Variants in NLRP5 observed in about 807,000 individuals in gnomAD.
NLRP5 encodes NACHT, LRR and PYD domains-containing protein 5.
NLRP5 carries 93 observed loss-of-function variants against 113.1 expected under a neutral mutation model. The ratio of observed to expected loss-of-function variants is 0.82; its 90% confidence interval spans 0.70 to 0.98. NLRP5 has a LOEUF of 0.98. Among genes scored for constraint, NLRP5 ranks in the 50% least tolerant of loss-of-function variants. The probability of loss-of-function intolerance (pLI) is 0.00; values close to 1 mark genes in which losing one functional copy is unlikely to be tolerated. For missense variants in NLRP5, 1,808 were observed against 1,514.3 expected (o/e 1.19, Z -3.22); for synonymous variants, 751 against 600.7 (o/e 1.25, Z -3.66).
At chr19:56,008,944 A>ATAGTC in intron 3 of NLRP5, 91 bp downstream of exon 3, 1 of 1,108,274 alleles carries the variant, frequency 9.0e-7, no homozygotes, top group Non-Finnish European at 1.4e-6. Flanking sequence ...ATGACTTCTG[A>ATAGTC]TAGTCTAGTG....
chr19:56,005,107 A>AAAAATATATATATATATAT (rs1173746273), intron 2 of NLRP5, among the ~76,000 whole-genome samples: 2 of 95,344 alleles, frequency 2.1e-5, no homozygotes, highest in African/African-American at 7.8e-5. Context: ...AAAAAAAAAA[A>AAAAATATATATATATATAT]ATATATATAT....
At chr19:56,050,695 G>A (rs995480149) in intron 12 of NLRP5, 107 bp downstream of exon 12, 1 of 1,081,538 alleles carries the variant, frequency 9.2e-7, no homozygotes, top group African/African-American at 1.6e-5. Flanking sequence ...CTGCTTTCAG[G>A]GTGAGCTGAC....
chr19:56,058,497 G>A, intron 14 of NLRP5, 87 bp downstream of exon 14: 1 of 1,260,620 alleles, frequency 7.9e-7, no homozygotes, highest in Non-Finnish European at 1.1e-6. Flanking sequence ...TATGGGAAAA[G>A]TTGACGTCAT....
chr19:56,026,079 T>C (rs74638627), intron 6 of NLRP5, among the ~76,000 whole-genome samples: 5,977 of 152,114 alleles, frequency 0.039, 161 homozygotes, highest in Non-Finnish European at 0.064. Flanking sequence ...TTTTGTAGAT[T>C]GTTAAGAAGC....
chr19:56,032,524 C>T (rs980948913), intron 7 of NLRP5, 87 bp from the exon 8 acceptor site: 15 of 1,260,612 alleles, frequency 1.2e-5, no homozygotes, highest in South Asian at 7.4e-5. Context: ...ACCTCGAGAG[C>T]TCGGTCCCTC....
intron 6 of NLRP5, among the ~76,000 whole-genome samples, chr19:56,023,923 G>A (rs8108335): frequency 0.089 from 13,594 of 152,092 alleles, 804 homozygotes; most frequent in African/African-American, 0.16. Flanking sequence ...AAGGTAAATA[G>A]TAGTACCAGT....
intron 1 of NLRP5, among the ~76,000 whole-genome samples, chr19:56,002,247 T>C (rs1981682103): frequency 6.6e-6 from 1 of 152,200 alleles, no homozygotes; most frequent in East Asian, 1.9e-4. Flanking sequence ...CCATATTAAA[T>C]TGGATCGTCT....
At position 56,050,601 on chromosome 19, in the gene NLRP5, T is replaced by C; in HGVS notation, c.3128+13T>C. ...TCCAGGACCTGGAGTGAGTTTCCCA[T>C]GGGCGTTGGGTCAACTCTATCATAC... is the stretch of plus-strand genomic sequence containing the variant. On this transcript the variant is annotated intron_variant, in intron 12 of 14. Coordinates refer to ENST00000390649, the MANE Select transcript of NLRP5 (RefSeq NM_153447.4). 6.2e-7 allele frequency: 1 copy of C among 1,611,818 alleles called. No homozygotes were observed. The highest frequency in any genetic ancestry group is 1.1e-5 in the South Asian group (1 of 90,880).
intron 6 of NLRP5, among the ~76,000 whole-genome samples, chr19:56,022,520 C>T (rs306446): frequency 0.72 from 109,979 of 151,994 alleles, 39,969 homozygotes; most frequent in African/African-American, 0.77. Flanking sequence ...TGAGCCACTA[C>T]GCCCAGCCAA....
intron 12 of NLRP5, among the ~76,000 whole-genome samples, chr19:56,052,514 C>G (rs1983969752): frequency 6.6e-6 from 1 of 152,160 alleles, no homozygotes; most frequent in Non-Finnish European, 1.5e-5. Context: ...AGGTGATCCA[C>G]TCACCTTGGC....
At chr19:56,030,854 C>T (rs1374146181) in intron 7 of NLRP5, among the ~76,000 whole-genome samples, 1 of 151,608 alleles carries the variant, frequency 6.6e-6, no homozygotes, top group Non-Finnish European at 1.5e-5. Context: ...AGCTGGACTA[C>T]AGTTGCCCAC....
chr19:56,034,830 GTT>G (rs1983253985), intron 9 of NLRP5, among the ~76,000 whole-genome samples: 1 of 152,228 alleles, frequency 6.6e-6, no homozygotes, highest in Non-Finnish European at 1.5e-5. Flanking sequence ...TGGTTGGTTG[GTT>G]GGTTGGTCGG....
At chr19:55,991,506 G>T in the NLRP5 span, among the ~76,000 whole-genome samples, 1 of 151,924 alleles carries the variant, frequency 6.6e-6, no homozygotes, top group East Asian at 1.9e-4. Flanking sequence ...TTATCTAGCA[G>T]CCGCATTTTA....
At chr19:56,013,596 G>GTTTTTTTTTGTTTTTTTTTT (rs1555765384) in intron 3 of NLRP5, among the ~76,000 whole-genome samples, 1 of 59,284 alleles carries the variant, frequency 1.7e-5, no homozygotes, top group African/African-American at 8.7e-5. Context: ...GGACATTTGG[G>GTTTTTTTTTGTTTTTTTTTT]TTTTTTTTTT....
chr19:56,048,619 C>T (rs1484612479), intron 11 of NLRP5, among the ~76,000 whole-genome samples: 1 of 152,090 alleles, frequency 6.6e-6, no homozygotes, highest in Non-Finnish European at 1.5e-5. Flanking sequence ...TCATAGGTTA[C>T]CTGGTGCTTC....
the NLRP5 span, among the ~76,000 whole-genome samples, chr19:55,994,078 T>C: frequency 6.6e-6 from 1 of 152,182 alleles, no homozygotes; most frequent in Non-Finnish European, 1.5e-5. Context: ...CTAATTTACA[T>C]TTCCACTGAC....
chr19:56,041,037 G>C lies in NLRP5; in HGVS notation c.2902G>C (p.Val968Leu). 1 of 1,614,006 alleles carries C rather than the reference G, an allele frequency of 6.2e-7. No homozygotes were observed. Among genetic ancestry groups the C allele is most frequent in the South Asian group, 1.1e-5 (1 of 91,086 alleles). Residue 968 changes from valine to leucine, a missense_variant, in exon 11 of 15, where the codon GTA (valine) becomes CTA (leucine). Physicochemically the swap from Val to Leu is conservative, Grantham distance 32. Transcript: ENST00000390649. Reference sequence around the variant, plus strand: ...CAACAACAGCCTGGGGAACGAAGGTGTAAATCTACTGTGTCGATCCATGAG... The same window carrying C: ...CAACAACAGCCTGGGGAACGAAGGTCTAAATCTACTGTGTCGATCCATGAG...
At chr19:56,035,669 A>C (rs1050047238) in intron 9 of NLRP5, among the ~76,000 whole-genome samples, 4 of 152,180 alleles carry the variant, frequency 2.6e-5, no homozygotes, top group African/African-American at 9.7e-5. Context: ...ACCTTCTCAT[A>C]ACTCACAGGG....
rs542269815 is a variant in NLRP5, at chr19:56,041,453, G to A, written c.2957+361G>A. ...ACCTCTAGTCACGTTTTCATCAATCGATGAAAATGTATTTCATGTTTCTGT... is the reference window on the plus strand; with the variant it reads ...ACCTCTAGTCACGTTTTCATCAATCAATGAAAATGTATTTCATGTTTCTGT... On this transcript the variant is annotated intron_variant, in intron 11 of 14. Transcript: ENST00000390649. Among the ~76,000 whole-genome samples the A allele has an allele frequency of 5.3e-5, 8 of 152,150 alleles. No individual in the cohort carries two copies. In the East Asian group the frequency reaches 1.5e-3, roughly 29 times the overall value.
Sources: allele counts gnomAD v4.1 joint callset (sites outside exome capture counted in the v4.1 genomes callset), GRCh38; gene constraint gnomAD v4.1.1; transcripts MANE v1.5; gene names NCBI Gene and HGNC (gene_info 2026-07-23, HGNC 2026-07-21).